RORB: variants seen among roughly 807,000 people sequenced by gnomAD.
RORB encodes nuclear receptor ROR-beta.
A neutral mutation model predicts 59.1 loss-of-function variants in RORB; 6 were observed. The ratio of observed to expected loss-of-function variants is 0.10; its 90% CI spans 0.06 to 0.20. The LOEUF (loss-of-function observed/expected upper bound fraction) is 0.20. Among genes scored for constraint, RORB ranks in the 10% least tolerant of loss-of-function variants. The pLI is 1.00. For synonymous variants in RORB, 215 were observed against 204.5 expected, an observed-to-expected ratio of 1.05 and a Z score of -0.44; for missense variants, 320 against 560.5, an observed-to-expected ratio of 0.57 and a Z score of 4.33.
chr9:74,659,699 G>A (rs1164817856), intron 4 of RORB, among the ~76,000 whole-genome samples: 1 of 151,828 alleles, frequency 6.6e-6, no homozygotes, highest in African/African-American at 2.4e-5. Flanking sequence ...GTTTCACCAT[G>A]CTAGCCAGGA....
chr9:74,591,310 A>G (rs1048292089), intron 1 of RORB, among the ~76,000 whole-genome samples: 2 of 152,168 alleles, frequency 1.3e-5, no homozygotes, highest in Admixed American at 1.3e-4. Context: ...ATGATATCCT[A>G]TGCATATGAA....
At chr9:74,672,334 G>T (rs186562981) in intron 9 of RORB, among the ~76,000 whole-genome samples, 5 of 152,272 alleles carry the variant, frequency 3.3e-5, no homozygotes, top group African/African-American at 1.2e-4. Context: ...GTTGTATGGG[G>T]GGTGGACTAC....
chr9:74,665,449 T>C, intron 6 of RORB, 39 bp from the exon 7 acceptor site: 2 of 1,275,622 alleles, frequency 1.6e-6, no homozygotes, highest in Non-Finnish European at 2.2e-6. Flanking sequence ...TATATATGTG[T>C]ATTTTTATTT....
chr9:74,658,697 G>GT (rs1183384563), intron 4 of RORB, among the ~76,000 whole-genome samples: 1 of 148,384 alleles, frequency 6.7e-6, no homozygotes, highest in Non-Finnish European at 1.5e-5. Flanking sequence ...AAGCAAATAT[G>GT]TTTTTTTAGA....
intron 1 of RORB, among the ~76,000 whole-genome samples, chr9:74,538,348 A>G (rs936968299): frequency 2.0e-5 from 3 of 152,080 alleles, no homozygotes; most frequent in Non-Finnish European, 2.9e-5. Flanking sequence ...GATTTTTAAA[A>G]TAGTAAAAGA....
intron 1 of RORB, among the ~76,000 whole-genome samples, chr9:74,560,308 AT>A (rs1212737856): frequency 6.6e-6 from 1 of 152,188 alleles, no homozygotes; most frequent in African/African-American, 2.4e-5. Context: ...GTGTGGCTTA[AT>A]GAAAGTACTC....
At chr9:74,684,618 A>G (rs893035349) in intron 9 of RORB, among the ~76,000 whole-genome samples, 1 of 152,206 alleles carries the variant, frequency 6.6e-6, no homozygotes, top group Non-Finnish European at 1.5e-5. Context: ...TCTTCTGGGT[A>G]TCTTAACTCA....
At chr9:74,668,070 T>A (rs979908269) in intron 8 of RORB, among the ~76,000 whole-genome samples, 169 bp downstream of exon 8, 1 of 152,180 alleles carries the variant, frequency 6.6e-6, no homozygotes. Context: ...AGCCTCAAGT[T>A]TATTAAAATG....
intron 1 of RORB, among the ~76,000 whole-genome samples, chr9:74,518,426 G>C (rs1826039319): frequency 6.6e-6 from 1 of 152,000 alleles, no homozygotes. Flanking sequence ...ACACCTAAGT[G>C]CAAGGAGTAT....
At chr9:74,660,168 C>T (rs956256347) in intron 4 of RORB, among the ~76,000 whole-genome samples, 3 of 151,934 alleles carry the variant, frequency 2.0e-5, no homozygotes, top group African/African-American at 7.2e-5. Flanking sequence ...TTGTTTAATG[C>T]TTCCTTTAAA....
chr9:74,662,374 C>A, intron 5 of RORB, 100 bp from the exon 6 acceptor site: 1 of 1,140,602 alleles, frequency 8.8e-7, no homozygotes, highest in Non-Finnish European at 1.3e-6. Context: ...CTCCTTTGGC[C>A]CCAAGTGACA....
At chr9:74,620,757 A>G (rs967157953) in intron 1 of RORB, among the ~76,000 whole-genome samples, 1 of 152,034 alleles carries the variant, frequency 6.6e-6, no homozygotes, top group African/African-American at 2.4e-5. Flanking sequence ...CTTTGTTCTC[A>G]TTGGTTTCAA....
rs1180577226 is a variant in RORB at position 74,691,705 on chromosome 9, A to G, written c.*6087A>G. On this transcript the variant is annotated 3_prime_UTR_variant, in exon 10 of 10. Transcript: ENST00000376896. ...GTAACAATTTTTTTAGAGGGGGAAA[A>G]TCAACAAAGAGCAAATATGTACTTG... 3.3e-5 allele frequency: 5 copies of G among 152,148 alleles called. No homozygotes were observed. The highest frequency in any genetic ancestry group is 1.2e-4 in the African/African-American group (5 of 41,424). 9.4% of individuals were successfully genotyped at this position (152,148 alleles called of 1,614,324 possible).
intron 1 of RORB, among the ~76,000 whole-genome samples, chr9:74,524,568 G>A (rs1237212427): frequency 6.6e-6 from 1 of 151,936 alleles, no homozygotes; most frequent in African/African-American, 2.4e-5. Flanking sequence ...ATAGAAGAAT[G>A]TAATGTTTAA....
intron 1 of RORB, among the ~76,000 whole-genome samples, chr9:74,616,239 T>C (rs1047351799): frequency 3.9e-5 from 6 of 152,192 alleles, no homozygotes; most frequent in African/African-American, 9.6e-5. Context: ...GTTTTAAGAA[T>C]ATTTCAGGGT....
intron 1 of RORB, among the ~76,000 whole-genome samples, chr9:74,617,620 G>A (rs1201214801): frequency 1.3e-5 from 2 of 152,102 alleles, no homozygotes; most frequent in Non-Finnish European, 2.9e-5. Context: ...AGTCTTTGAG[G>A]GAGCTATTCA....
intron 1 of RORB, among the ~76,000 whole-genome samples, chr9:74,501,110 G>A (rs1825799207): frequency 6.6e-6 from 1 of 152,056 alleles, no homozygotes; most frequent in South Asian, 2.1e-4. Flanking sequence ...GAAATGGTCG[G>A]ATTTTTCAGT....
intron 1 of RORB, among the ~76,000 whole-genome samples, chr9:74,564,392 G>A (rs1160596759): frequency 3.3e-5 from 5 of 152,206 alleles, no homozygotes; most frequent in African/African-American, 2.4e-5. Flanking sequence ...CTATGCCTCT[G>A]TATTTGAATT....
At chr9:74,680,828 C>G (rs1824536416) in intron 9 of RORB, among the ~76,000 whole-genome samples, 1 of 152,070 alleles carries the variant, frequency 6.6e-6, no homozygotes, top group Non-Finnish European at 1.5e-5. Context: ...TCTTGATGGC[C>G]TGGAAGCCCA....
Sources: allele counts gnomAD v4.1 joint callset (sites outside exome capture counted in the v4.1 genomes callset), GRCh38; gene constraint gnomAD v4.1.1; transcripts MANE v1.5; gene names NCBI Gene and HGNC (gene_info 2026-07-23, HGNC 2026-07-21).